Variants in GIN1 observed in about 807,000 individuals in gnomAD.
GIN1 encodes the protein gypsy retrotransposon integrase 1.
GIN1 carries 41 observed loss-of-function variants against 51.4 expected under a neutral mutation model. That is an observed-to-expected ratio of 0.80 (90% CI 0.62 to 1.04). GIN1 has a LOEUF of 1.04. Among genes scored for constraint, GIN1 ranks in the 50% least tolerant of loss-of-function variants. The pLI is 0.00. For synonymous variants in GIN1, 222 were observed against 206.5 expected (o/e 1.07, Z -0.64); for missense variants, 610 against 612.4 (o/e 1.00, Z 0.04).
At chr5:103,118,677 G>C (rs1021333205) in intron 1 of GIN1, among the ~76,000 whole-genome samples, 1 of 127,112 alleles carries the variant, frequency 7.9e-6, no homozygotes. Flanking sequence ...GAAAAGCATA[G>C]CCTTTGAAGT....
chr5:103,100,579 T>G (rs1434734879), intron 4 of GIN1, among the ~76,000 whole-genome samples: 16 of 151,706 alleles, frequency 1.1e-4, no homozygotes, highest in African/African-American at 3.6e-4. Context: ...TTTTTTTTTT[T>G]GTAGAGACGG....
chr5:103,110,513 G>C (rs146894189), intron 1 of GIN1, among the ~76,000 whole-genome samples: 37 of 152,220 alleles, frequency 2.4e-4, no homozygotes, highest in Non-Finnish European at 4.0e-4. Flanking sequence ...TTATTCCACA[G>C]GGCAATGCAA....
chr5:103,108,531 C>T (rs1554196586), intron 2 of GIN1, 38 bp downstream of exon 2: 1 of 1,441,330 alleles, frequency 6.9e-7, no homozygotes, highest in South Asian at 1.2e-5. Flanking sequence ...GGGGAAGAAT[C>T]TACAACTCAA....
intron 1 of GIN1, among the ~76,000 whole-genome samples, chr5:103,112,585 T>C (rs1426020850): frequency 6.6e-6 from 1 of 152,138 alleles, no homozygotes; most frequent in Non-Finnish European, 1.5e-5. Context: ...CTCTATACCT[T>C]GGTTTACATC....
At chr5:103,094,806 A>G (rs1305248480) in intron 7 of GIN1, among the ~76,000 whole-genome samples, 1 of 152,206 alleles carries the variant, frequency 6.6e-6, no homozygotes, top group Non-Finnish European at 1.5e-5. Flanking sequence ...AGAGATCATT[A>G]AAGGTAGCTC....
intron 7 of GIN1, among the ~76,000 whole-genome samples, chr5:103,095,014 T>C (rs1265103834): frequency 6.6e-6 from 1 of 152,230 alleles, no homozygotes; most frequent in African/African-American, 2.4e-5. Flanking sequence ...AGTTGAGCTA[T>C]CATTACTAAG....
intron 4 of GIN1, 112 bp from the exon 5 acceptor site, chr5:103,097,893 A>AT (rs1234260951): frequency 5.1e-6 from 3 of 591,716 alleles, no homozygotes; most frequent in African/African-American, 1.9e-5. Flanking sequence ...TTATCTATTT[A>AT]TTTTTTTGAG....
intron 7 of GIN1, among the ~76,000 whole-genome samples, chr5:103,094,234 A>C (rs1469050472): frequency 6.6e-6 from 1 of 152,194 alleles, no homozygotes; most frequent in East Asian, 1.9e-4. Context: ...TATTGAGGAA[A>C]AAGATGGCAG....
At position 103,097,576 on chromosome 5, in the gene GIN1, A is replaced by G. The variant is rs1472491525; in HGVS notation, c.831+14T>C. ...TCATAACTCAGAAGTACAGAATTAT[A>G]AAAAGGCACATACCAAGTGAGTTAC... On this transcript the variant is annotated intron_variant, in intron 5 of 7. Transcript: ENST00000399004. The G allele has an allele frequency of 1.9e-6, 3 of 1,564,352 alleles. No individual in the cohort carries two copies. Among genetic ancestry groups the G allele is most frequent in the Non-Finnish European group, 2.6e-6 (3 of 1,136,526 alleles).
chr5:103,101,643 G>A (rs1787577848), intron 4 of GIN1, among the ~76,000 whole-genome samples: 1 of 152,214 alleles, frequency 6.6e-6, no homozygotes, highest in South Asian at 2.1e-4. Context: ...TTTGTGAGTA[G>A]TGTGGTGAAT....
intron 4 of GIN1, among the ~76,000 whole-genome samples, chr5:103,103,049 T>G (rs1426626078): frequency 6.6e-6 from 1 of 152,222 alleles, no homozygotes; most frequent in Non-Finnish European, 1.5e-5. Flanking sequence ...AGCAGATCTG[T>G]GACTGCTGTT....
chr5:103,098,286 C>T (rs1156390412), intron 4 of GIN1, among the ~76,000 whole-genome samples: 1 of 152,070 alleles, frequency 6.6e-6, no homozygotes, highest in East Asian at 1.9e-4. Context: ...GTCTTTACTA[C>T]ACACTGGTCC....
intron 7 of GIN1, among the ~76,000 whole-genome samples, chr5:103,091,458 G>A (rs1583108592): frequency 6.6e-6 from 1 of 152,162 alleles, no homozygotes; most frequent in East Asian, 1.9e-4. Context: ...CATATTAAAG[G>A]TCTTTTCTAG....
chr5:103,095,822 G>C (rs1392078350), intron 7 of GIN1, among the ~76,000 whole-genome samples: 1 of 152,134 alleles, frequency 6.6e-6, no homozygotes, highest in Non-Finnish European at 1.5e-5. Context: ...TACTTGGGAG[G>C]CTGAGGCACA....
At chr5:103,113,688 A>G (rs1487514440) in intron 1 of GIN1, among the ~76,000 whole-genome samples, 1 of 151,866 alleles carries the variant, frequency 6.6e-6, no homozygotes, top group Non-Finnish European at 1.5e-5. Context: ...TGCCCAGCTA[A>G]TTTTTATATT....
At chr5:103,091,314 A>G (rs2151461292) in intron 7 of GIN1, among the ~76,000 whole-genome samples, 1 of 152,292 alleles carries the variant, frequency 6.6e-6, no homozygotes, top group Non-Finnish European at 1.5e-5. Flanking sequence ...GAAAATTTTA[A>G]ATTACATAGC....
intron 1 of GIN1, among the ~76,000 whole-genome samples, chr5:103,116,478 G>GATGGCTC (rs1247919892): frequency 7.6e-4 from 116 of 152,168 alleles, no homozygotes; most frequent in African/African-American, 2.7e-3. Flanking sequence ...ATTAATTCAT[G>GATGGCTC]ATGGCTCACA....
intron 1 of GIN1, among the ~76,000 whole-genome samples, chr5:103,117,894 G>T (rs570039714): frequency 6.6e-6 from 1 of 152,130 alleles, no homozygotes; most frequent in Non-Finnish European, 1.5e-5. Context: ...CAAATTTCAC[G>T]CTTTTCCCCC....
intron 1 of GIN1, among the ~76,000 whole-genome samples, chr5:103,114,808 C>A (rs34772): frequency 0.26 from 38,846 of 151,986 alleles, 5,531 homozygotes; most frequent in East Asian, 0.45. Flanking sequence ...GGACATGAGA[C>A]TAGCCAGAGA....
Sources: allele counts gnomAD v4.1 joint callset (sites outside exome capture counted in the v4.1 genomes callset), GRCh38; gene constraint gnomAD v4.1.1; transcripts MANE v1.5; gene names NCBI Gene and HGNC (gene_info 2026-07-23, HGNC 2026-07-21).